CYP39A1: variants seen among roughly 807,000 people sequenced by gnomAD.
CYP39A1 encodes the protein 24-hydroxycholesterol 7-alpha-hydroxylase.
In CYP39A1, 49 loss-of-function variants were observed where a neutral mutation model predicts 58.1. That is an observed-to-expected ratio of 0.84 (90% CI 0.67 to 1.07). The LOEUF is 1.07. Ranked by LOEUF, CYP39A1 falls within the 50% of genes least tolerant of loss-of-function variation. The probability of loss-of-function intolerance (pLI) is 0.00; values close to 1 mark genes in which losing one functional copy is unlikely to be tolerated. For missense variants in CYP39A1, 531 were observed against 539.4 expected (o/e 0.98, Z 0.16); for synonymous variants, 209 against 187.6 (o/e 1.11, Z -0.93).
intron 1 of CYP39A1, among the ~76,000 whole-genome samples, chr6:46,644,491 G>T (rs1414412482): frequency 2.0e-5 from 3 of 152,096 alleles, no homozygotes; most frequent in East Asian, 1.9e-4. Flanking sequence ...ACTGCACTCT[G>T]GGCAGGGCAA....
intron 6 of CYP39A1, among the ~76,000 whole-genome samples, chr6:46,626,017 A>G (rs1330863363): frequency 2.0e-5 from 3 of 152,082 alleles, no homozygotes; most frequent in African/African-American, 7.2e-5. Flanking sequence ...CGTAAACTAA[A>G]TTATGAGAGT....
chr6:46,560,325 A>G (rs1770908635), intron 10 of CYP39A1, among the ~76,000 whole-genome samples: 1 of 152,192 alleles, frequency 6.6e-6, no homozygotes, highest in Non-Finnish European at 1.5e-5. Context: ...CAGACAATAG[A>G]AAGTGGTGAC....
intron 10 of CYP39A1, among the ~76,000 whole-genome samples, chr6:46,570,589 G>A (rs1006186085): frequency 7.2e-5 from 11 of 152,120 alleles, no homozygotes; most frequent in Middle Eastern, 3.2e-3. Context: ...AAAGAAAAGA[G>A]GCTTATTTGG....
rs76366097 is a variant in CYP39A1 at position 46,576,413 on chromosome 6, A to C, written c.1250+10664T>G. Among the ~76,000 whole-genome samples the C allele has an allele frequency of 2.8e-3, 420 of 152,354 alleles. 3 individuals carry two copies. Among genetic ancestry groups the C allele is most frequent in the African/African-American group, 9.5e-3 (394 of 41,582 alleles). ...CACACAGATGAGAAGGAACCAGTGC[A>C]AGAATTCTGGCAACTCTGAAAGCCA... On this transcript the variant is annotated intron_variant, in intron 10 of 11. Transcript: ENST00000275016.
intron 7 of CYP39A1, among the ~76,000 whole-genome samples, chr6:46,599,399 A>T (rs1435388991): frequency 1.3e-5 from 2 of 152,198 alleles, no homozygotes; most frequent in African/African-American, 4.8e-5. Flanking sequence ...GCATGTTCAG[A>T]TAACAGGAAT....
intron 6 of CYP39A1, 98 bp from the exon 7 acceptor site, chr6:46,625,606 A>T (rs1775268085): frequency 1.2e-6 from 1 of 812,268 alleles, no homozygotes; most frequent in African/African-American, 1.7e-5. Context: ...AAAAAGGATG[A>T]TGTTTAAATT....
chr6:46,630,423 T>G (rs1296578091), intron 6 of CYP39A1, among the ~76,000 whole-genome samples: 1 of 152,158 alleles, frequency 6.6e-6, no homozygotes, highest in African/African-American at 2.4e-5. Context: ...TTCACATACA[T>G]TATCCCTTTT....
intron 7 of CYP39A1, among the ~76,000 whole-genome samples, chr6:46,623,655 T>A (rs1246455563): frequency 6.6e-6 from 1 of 152,214 alleles, no homozygotes; most frequent in Non-Finnish European, 1.5e-5. Flanking sequence ...TGTATCTATT[T>A]ACATCCTAAT....
intron 1 of CYP39A1, among the ~76,000 whole-genome samples, chr6:46,645,821 T>G (rs561813678): frequency 6.6e-6 from 1 of 152,130 alleles, no homozygotes; most frequent in Non-Finnish European, 1.5e-5. Context: ...CTTAAGACCT[T>G]TGATTTTTTT....
chr6:46,577,952 C>T lies in CYP39A1; in HGVS notation c.1250+9125G>A, dbSNP rs990586318. 2.0e-5 allele frequency among the ~76,000 whole-genome samples: 3 copies of T among 152,226 alleles called. No homozygotes were observed. The East Asian group carries it at 5.8e-4, about 29-fold the overall frequency. On this transcript the variant is annotated intron_variant, in intron 10 of 11. Coordinates refer to ENST00000275016, the MANE Select transcript of CYP39A1 (RefSeq NM_016593.5). Reference sequence around the variant, plus strand: ...GGACCAAACAGACATCTACAGAATACTCTACCCAACAACAGAATATACATT... The same window carrying T: ...GGACCAAACAGACATCTACAGAATATTCTACCCAACAACAGAATATACATT...
At chr6:46,568,472 C>A (rs181786096) in intron 10 of CYP39A1, among the ~76,000 whole-genome samples, 4 of 151,648 alleles carry the variant, frequency 2.6e-5, no homozygotes, top group African/African-American at 9.7e-5. Context: ...AAAATTAATG[C>A]CAAATCCAAT....
At chr6:46,604,202 C>T (rs1168017402) in intron 7 of CYP39A1, among the ~76,000 whole-genome samples, 1 of 152,146 alleles carries the variant, frequency 6.6e-6, no homozygotes, top group East Asian at 1.9e-4. Context: ...AAATCAATTC[C>T]CTGATACTCA....
chr6:46,630,901 A>C, intron 6 of CYP39A1, 62 bp downstream of exon 6: 1 of 1,192,160 alleles, frequency 8.4e-7, no homozygotes, highest in Non-Finnish European at 1.2e-6. Flanking sequence ...ACAGAAATGA[A>C]GGAAAAAAAG....
intron 10 of CYP39A1, among the ~76,000 whole-genome samples, chr6:46,564,122 TTTATTC>T (rs1561952463): frequency 0.048 from 6,973 of 145,140 alleles, 853 homozygotes; most frequent in African/African-American, 0.16. Flanking sequence ...TTTATTCTAT[TTTATTC>T]TATTTTATTC....
chr6:46,600,138 C>CT (rs956287220), intron 7 of CYP39A1, among the ~76,000 whole-genome samples: 14 of 150,636 alleles, frequency 9.3e-5, no homozygotes, highest in East Asian at 5.9e-4. Context: ...TTTTTCTTTT[C>CT]TTTTTTTTGA....
At position 46,615,853 on chromosome 6, in the gene CYP39A1, C is replaced by T. The variant is rs116730128; in HGVS notation, c.931+9565G>A. The stretch of plus-strand genomic sequence containing the variant: ...TGTCTCTGACCCCAATCAGCTCTTC[C>T]TCTAGATATCTGCTTGTCTAACTCT... On this transcript the variant is annotated intron_variant, in intron 7 of 11. Transcript: ENST00000275016. Among the ~76,000 whole-genome samples, 1,010 of 152,190 alleles carry T rather than the reference C, an allele frequency of 6.6e-3. 9 individuals carry two copies. The highest frequency in any genetic ancestry group is 0.023 in the African/African-American group (952 of 41,526).
rs183398663 is a variant in CYP39A1, at chr6:46,575,426, C to A, written c.1250+11651G>T. On this transcript the variant is annotated intron_variant, in intron 10 of 11. Transcript: ENST00000275016. The stretch of plus-strand genomic sequence containing the variant: ...CTCTCTCAGGGTCCCTGCCTGGCTG[C>A]AACCACATGCAGCCCAGCCTCAATT... Among the ~76,000 whole-genome samples, 287 of 152,320 alleles carry A rather than the reference C, an allele frequency of 1.9e-3. 1 individual carries two copies. The highest frequency in any genetic ancestry group is 6.4e-3 in the African/African-American group (266 of 41,572).
rs1300366828 is a variant in CYP39A1 at position 46,636,342 on chromosome 6, T to C, written c.732+47A>G. On this transcript the variant is annotated intron_variant, in intron 5 of 11. Transcript: ENST00000275016. Reference sequence around the variant, plus strand: ...GCAAAATATATTTTAACAACAATAATTTATTACTATCTTTACATTAGCAAA... The same window carrying C: ...GCAAAATATATTTTAACAACAATAACTTATTACTATCTTTACATTAGCAAA... 2.9e-6 allele frequency: 4 copies of C among 1,370,070 alleles called. No homozygotes were observed. The South Asian group carries it at 3.7e-5, about 13-fold the overall frequency. 84.9% of individuals were successfully genotyped at this position (1,370,070 alleles called of 1,614,324 possible).
At chr6:46,647,742 T>C (rs938555193) in intron 1 of CYP39A1, among the ~76,000 whole-genome samples, 19 of 152,238 alleles carry the variant, frequency 1.2e-4, no homozygotes, top group African/African-American at 4.6e-4. Context: ...TGATGAGCAT[T>C]TTTTCATCTG....
Sources: allele counts gnomAD v4.1 joint callset (sites outside exome capture counted in the v4.1 genomes callset), GRCh38; gene constraint gnomAD v4.1.1; transcripts MANE v1.5; gene names NCBI Gene and HGNC (gene_info 2026-07-23, HGNC 2026-07-21).